Variants in CACNA2D3 observed in about 807,000 individuals in gnomAD.
The protein encoded by CACNA2D3 is calcium voltage-gated channel auxiliary subunit alpha2delta 3.
In CACNA2D3, 60 loss-of-function variants were observed where a neutral mutation model predicts 160.6. The ratio of observed to expected loss-of-function variants is 0.37; its 90% CI spans 0.30 to 0.46. The LOEUF (loss-of-function observed/expected upper bound fraction) is 0.46, where lower values mean the gene tolerates loss of function less well. Among genes scored for constraint, CACNA2D3 ranks in the 20% least tolerant of loss-of-function variants. CACNA2D3 has a pLI of 1.00. For synonymous variants in CACNA2D3, 558 were observed against 492.9 expected (o/e 1.13, Z -1.75); for missense variants, 1,205 against 1,365.0 (o/e 0.88, Z 1.85).
intron 2 of CACNA2D3, 122 bp from the exon 3 acceptor site, chr3:54,320,319 AC>A (rs1703958970): frequency 1.9e-6 from 1 of 537,430 alleles, no homozygotes; most frequent in African/African-American, 2.0e-5. Context: ...CCACAAATTC[AC>A]CAGAAGCAGT....
At chr3:54,613,103 T>G (rs1698777873) in intron 9 of CACNA2D3, among the ~76,000 whole-genome samples, 1 of 152,370 alleles carries the variant, frequency 6.6e-6, no homozygotes, top group South Asian at 2.1e-4. Context: ...GATATTTAGT[T>G]GACCTGTGAC....
intron 2 of CACNA2D3, among the ~76,000 whole-genome samples, chr3:54,159,528 A>G (rs79589791): frequency 0.019 from 2,950 of 152,324 alleles, 86 homozygotes; most frequent in African/African-American, 0.064. Context: ...AGAGGGGGTA[A>G]ATCAAGAAAA....
At chr3:54,163,268 G>T (rs897372164) in intron 2 of CACNA2D3, among the ~76,000 whole-genome samples, 1 of 152,156 alleles carries the variant, frequency 6.6e-6, no homozygotes, top group Non-Finnish European at 1.5e-5. Flanking sequence ...GCTAATTGTG[G>T]TAAGTACTGT....
chr3:54,739,676 C>A (rs1289694318), intron 11 of CACNA2D3, among the ~76,000 whole-genome samples: 1 of 151,604 alleles, frequency 6.6e-6, no homozygotes, highest in African/African-American at 2.4e-5. Context: ...GTGTCCTATT[C>A]AGGGAAACCA....
intron 14 of CACNA2D3, among the ~76,000 whole-genome samples, chr3:54,821,906 T>C (rs2261210): frequency 0.79 from 119,499 of 151,940 alleles, 47,925 homozygotes; most frequent in African/African-American, 0.95. Flanking sequence ...CAATGAAAAT[T>C]GAAAATTGAA....
intron 11 of CACNA2D3, among the ~76,000 whole-genome samples, chr3:54,750,338 A>G (rs1701833861): frequency 6.6e-6 from 1 of 152,184 alleles, no homozygotes; most frequent in Non-Finnish European, 1.5e-5. Flanking sequence ...TTGCTTGCCA[A>G]GGAGCCAGTG....
At position 54,441,999 on chromosome 3, in the gene CACNA2D3, T is replaced by C. The variant is rs376973225; in HGVS notation, c.381+55225T>C. Among the ~76,000 whole-genome samples, 6 of 152,048 alleles carry C rather than the reference T, an allele frequency of 3.9e-5. No individual in the cohort carries two copies. The South Asian group carries it at 1.0e-3, about 26-fold the overall frequency. ...TTAAAACTTTTTTTAGAGATGGAGGTCTTACGACTGTGTTGCCCAGGCTGG... is the reference window on the plus strand; with the variant it reads ...TTAAAACTTTTTTTAGAGATGGAGGCCTTACGACTGTGTTGCCCAGGCTGG... On this transcript the variant is annotated intron_variant, in intron 4 of 37. Transcript: ENST00000474759.
chr3:54,687,600 A>C (rs893056286), intron 11 of CACNA2D3, among the ~76,000 whole-genome samples: 3 of 152,358 alleles, frequency 2.0e-5, no homozygotes, highest in African/African-American at 4.8e-5. Flanking sequence ...CTAAACCAAA[A>C]GGAATCACTT....
intron 11 of CACNA2D3, among the ~76,000 whole-genome samples, chr3:54,704,092 G>C (rs1486442600): frequency 6.6e-6 from 1 of 152,204 alleles, no homozygotes; most frequent in East Asian, 1.9e-4. Context: ...TATGCTGAAG[G>C]GGGAGACTTG....
chr3:55,059,379 A>G (rs1390127817), intron 35 of CACNA2D3, among the ~76,000 whole-genome samples: 1 of 152,184 alleles, frequency 6.6e-6, no homozygotes, highest in African/African-American at 2.4e-5. Context: ...ACATTTCCAC[A>G]TGAGATGTTG....
intron 11 of CACNA2D3, among the ~76,000 whole-genome samples, chr3:54,683,334 T>C (rs937458679): frequency 6.6e-6 from 1 of 152,162 alleles, no homozygotes; most frequent in African/African-American, 2.4e-5. Flanking sequence ...CCTTGCTATG[T>C]CTGGAAATAA....
intron 31 of CACNA2D3, among the ~76,000 whole-genome samples, chr3:54,993,797 G>A (rs1420358689): frequency 1.3e-5 from 2 of 151,454 alleles, no homozygotes; most frequent in Non-Finnish European, 2.9e-5. Flanking sequence ...TGCTCTCGTC[G>A]AGCCACCAGT....
intron 14 of CACNA2D3, among the ~76,000 whole-genome samples, chr3:54,833,868 G>A (rs1230989848): frequency 6.6e-6 from 1 of 152,086 alleles, no homozygotes; most frequent in Non-Finnish European, 1.5e-5. Flanking sequence ...AAGCCTACGG[G>A]TTAGGGTTCT....
In CACNA2D3 at chr3:54,441,981, T is replaced by A. The variant is rs542693211; in HGVS notation, c.381+55207T>A. Among the ~76,000 whole-genome samples, 11 of 152,288 alleles carry A rather than the reference T, an allele frequency of 7.2e-5. No homozygotes were observed. The East Asian group carries it at 1.7e-3, about 24-fold the overall frequency. ...CAAATATGCTTAAATAATTTAAAAC[T>A]TTTTTTAGAGATGGAGGTCTTACGA... On this transcript the variant is annotated intron_variant, in intron 4 of 37. Transcript: ENST00000474759.
rs534161138 is a variant in CACNA2D3, at chr3:54,817,174, A to G, written c.1398+304A>G. ...GAATAAGTTTGACACATTCCTTCCA[A>G]TGTAGCATTCCAGGCCTTCTCTGAG... is the stretch of plus-strand genomic sequence containing the variant. On this transcript the variant is annotated intron_variant, in intron 14 of 37. Transcript: ENST00000474759. Among the ~76,000 whole-genome samples, 9 of 152,328 alleles carry G rather than the reference A, an allele frequency of 5.9e-5. No homozygotes were observed. The East Asian group carries it at 1.7e-3, about 29-fold the overall frequency.
intron 2 of CACNA2D3, among the ~76,000 whole-genome samples, chr3:54,161,965 C>T (rs116622334): frequency 6.6e-6 from 1 of 152,240 alleles, no homozygotes; most frequent in African/African-American, 2.4e-5. Flanking sequence ...TGGTCTTTGC[C>T]ATTTCTGAGA....
intron 3 of CACNA2D3, among the ~76,000 whole-genome samples, chr3:54,338,519 T>TGTGTG (rs1575403435): frequency 9.5e-6 from 1 of 105,758 alleles, no homozygotes; most frequent in African/African-American, 3.4e-5. Flanking sequence ...GTGTATCTAT[T>TGTGTG]TGGGTTAGGA....
intron 10 of CACNA2D3, among the ~76,000 whole-genome samples, chr3:54,628,447 C>T (rs13084347): frequency 0.15 from 23,555 of 152,092 alleles, 1,938 homozygotes; most frequent in South Asian, 0.27. Flanking sequence ...GTCATAGAGA[C>T]ACTAATGAGG....
chr3:54,284,403 T>TAA (rs1177818774), intron 2 of CACNA2D3, among the ~76,000 whole-genome samples: 43 of 152,024 alleles, frequency 2.8e-4, no homozygotes, highest in African/African-American at 9.9e-4. Context: ...TTATATATTT[T>TAA]AGCTTTGTAT....
Sources: gnomAD v4.1 joint callset for allele counts (sites outside exome capture counted in the v4.1 genomes callset) on GRCh38, gnomAD v4.1.1 for gene constraint, MANE v1.5 for transcripts, NCBI Gene and HGNC (gene_info 2026-07-23, HGNC 2026-07-21) for gene names.